Variants in MGAT4A observed in about 807,000 individuals in gnomAD.
MGAT4A encodes alpha-1,3-mannosyl-glycoprotein 4-beta-N-acetylglucosaminyltransferase A.
A neutral mutation model predicts 74.1 loss-of-function variants in MGAT4A; 33 were observed. That is an observed-to-expected ratio of 0.45 (90% CI 0.34 to 0.60). The LOEUF is 0.60. Among genes scored for constraint, MGAT4A ranks in the 20% least tolerant of loss-of-function variants. MGAT4A has a pLI of 0.02. For missense variants in MGAT4A, 479 were observed against 628.3 expected (o/e 0.76, Z 2.54); for synonymous variants, 198 against 210.4 (o/e 0.94, Z 0.51).
At chr2:98,677,360 A>G (rs1701989124) in intron 3 of MGAT4A, among the ~76,000 whole-genome samples, 1 of 152,218 alleles carries the variant, frequency 6.6e-6, no homozygotes, top group African/African-American at 2.4e-5. Context: ...TACACGAAAA[A>G]TTAAATTTTA....
Position 98,711,015 on chromosome 2 carries a change from C to T in MGAT4A, c.94+15224G>A, listed in dbSNP as rs564399533. 3.3e-5 allele frequency among the ~76,000 whole-genome samples: 5 copies of T among 151,720 alleles called. No individual in the cohort carries two copies. The East Asian group carries it at 9.7e-4, about 29-fold the overall frequency. On this transcript the variant is annotated intron_variant, in intron 2 of 15. Transcript: ENST00000393487. ...GGTTAAAAAAAAATCAGTGATCTGT[C>T]GTAAAATAACCAAGATGCTAGACTA... is the stretch of plus-strand genomic sequence containing the variant.
At chr2:98,729,834 G>T (rs757148658) in intron 1 of MGAT4A, among the ~76,000 whole-genome samples, 1 of 152,126 alleles carries the variant, frequency 6.6e-6, no homozygotes, top group Non-Finnish European at 1.5e-5. Context: ...CTGATATCTG[G>T]AATCAATAAA....
At chr2:98,710,508 G>GGA (rs1702501083) in intron 2 of MGAT4A, among the ~76,000 whole-genome samples, 1 of 152,290 alleles carries the variant, frequency 6.6e-6, no homozygotes. Flanking sequence ...CACCTAGGCT[G>GGA]GAGTGCAGTG....
chr2:98,660,677 G>GA lies in MGAT4A; in HGVS notation c.537+2368dup, dbSNP rs760768254. ...AGCAAAGGTGCCAAGAACACTCAAT[G>GA]AAAAAAGTTTCTTTAGTAAATGGTG... On this transcript the variant is annotated intron_variant, in intron 5 of 15. Coordinates refer to ENST00000393487, the MANE Select transcript of MGAT4A (RefSeq NM_012214.3). Among the ~76,000 whole-genome samples the GA allele has an allele frequency of 5.9e-5, 9 of 152,012 alleles. No homozygotes were observed. The East Asian group carries it at 1.5e-3, about 26-fold the overall frequency.
At position 98,624,497 on chromosome 2, in the gene MGAT4A, CT is replaced by C; in HGVS notation, c.*1068del. The stretch of plus-strand genomic sequence containing the variant: ...TAAAATCATTTTGGAAAATATACTA[CT>C]AATAATATATTTCACCAAAAAACAA... On this transcript the variant is annotated 3_prime_UTR_variant, in exon 16 of 16. Coordinates refer to ENST00000393487, the MANE Select transcript of MGAT4A (RefSeq NM_012214.3). The C allele has an allele frequency of 3.1e-6, 3 of 966,918 alleles. No individual in the cohort carries two copies. The African/African-American group carries it at 5.3e-5, about 17-fold the overall frequency. The allele number at this position is 966,918 out of a possible 1,614,324, so 59.9% of individuals were successfully genotyped here.
intron 5 of MGAT4A, 106 bp downstream of exon 5, chr2:98,662,940 C>T (rs1701772432): frequency 1.1e-6 from 1 of 881,150 alleles, no homozygotes; most frequent in East Asian, 2.6e-5. Flanking sequence ...CTTTACTCAT[C>T]ACATTTTTTA....
At chr2:98,627,342 A>C (rs1701160116) in intron 14 of MGAT4A, among the ~76,000 whole-genome samples, 1 of 152,182 alleles carries the variant, frequency 6.6e-6, no homozygotes. Flanking sequence ...TGAATTCATT[A>C]AGAAACAATA....
At chr2:98,667,546 T>C (rs1701852735) in intron 4 of MGAT4A, among the ~76,000 whole-genome samples, 1 of 152,232 alleles carries the variant, frequency 6.6e-6, no homozygotes. Flanking sequence ...TGTTGTGTTT[T>C]AGCAAAGAGA....
intron 2 of MGAT4A, among the ~76,000 whole-genome samples, chr2:98,696,430 A>C (rs1702276396): frequency 6.6e-6 from 1 of 152,192 alleles, no homozygotes; most frequent in Non-Finnish European, 1.5e-5. Flanking sequence ...GCTGCTGTCT[A>C]AGTTGACGTC....
Position 98,672,643 on chromosome 2 carries a change from C to CT in MGAT4A, c.403+2391_403+2392insA, listed in dbSNP as rs1701926872. On this transcript the variant is annotated intron_variant, in intron 4 of 15. Coordinates refer to ENST00000393487, the MANE Select transcript of MGAT4A (RefSeq NM_012214.3). ...TGTTCACTCCTTCTGAAATGACTACCAGATGAACATTAAAACTTTTGTCTA... is the reference window on the plus strand; with the variant it reads ...TGTTCACTCCTTCTGAAATGACTACCTAGATGAACATTAAAACTTTTGTCTA... Among the ~76,000 whole-genome samples, 9 of 152,274 alleles carry CT rather than the reference C, an allele frequency of 5.9e-5. No individual in the cohort carries two copies. The South Asian group carries it at 1.9e-3, about 32-fold the overall frequency.
At chr2:98,689,980 C>T (rs1702173267) in intron 2 of MGAT4A, among the ~76,000 whole-genome samples, 1 of 151,888 alleles carries the variant, frequency 6.6e-6, no homozygotes, top group Admixed American at 6.6e-5. Flanking sequence ...CTAGAAAAGT[C>T]GGCAACCTGA....
chr2:98,689,917 C>G (rs962371426), intron 2 of MGAT4A, among the ~76,000 whole-genome samples: 5 of 152,060 alleles, frequency 3.3e-5, no homozygotes, highest in Admixed American at 2.6e-4. Context: ...AGAAACAACA[C>G]AGTAGTGAGT....
chr2:98,664,698 T>A (rs1205606536), intron 4 of MGAT4A, among the ~76,000 whole-genome samples: 1 of 152,162 alleles, frequency 6.6e-6, no homozygotes, highest in Non-Finnish European at 1.5e-5. Context: ...AATGCCACAT[T>A]TATGTGTTTC....
intron 2 of MGAT4A, among the ~76,000 whole-genome samples, chr2:98,690,999 C>G: frequency 6.6e-6 from 1 of 152,024 alleles, no homozygotes. Flanking sequence ...GGAACTGTAA[C>G]AAAAGATCTG....
chr2:98,710,376 T>G (rs1702498736), intron 2 of MGAT4A, among the ~76,000 whole-genome samples: 4 of 152,224 alleles, frequency 2.6e-5, no homozygotes, highest in Admixed American at 2.6e-4. Flanking sequence ...GATATACATT[T>G]GAAAACAAAA....
At chr2:98,692,960 A>T (rs1377431592) in intron 2 of MGAT4A, among the ~76,000 whole-genome samples, 1 of 152,226 alleles carries the variant, frequency 6.6e-6, no homozygotes, top group Non-Finnish European at 1.5e-5. Flanking sequence ...AAGCTGAGCA[A>T]AACCCAAACA....
intron 2 of MGAT4A, among the ~76,000 whole-genome samples, chr2:98,725,248 AAAG>A (rs1361231561): frequency 6.6e-6 from 1 of 152,198 alleles, no homozygotes; most frequent in African/African-American, 2.4e-5. Context: ...AGAGAAAGAC[AAAG>A]AAGGGGAAAA....
intron 1 of MGAT4A, among the ~76,000 whole-genome samples, chr2:98,729,403 T>C (rs921952881): frequency 6.6e-6 from 1 of 152,200 alleles, no homozygotes; most frequent in Non-Finnish European, 1.5e-5. Flanking sequence ...TCTTCAATTA[T>C]GAGACATAAT....
chr2:98,660,337 A>C (rs1192699799), intron 5 of MGAT4A, among the ~76,000 whole-genome samples: 2 of 151,704 alleles, frequency 1.3e-5, no homozygotes, highest in Non-Finnish European at 2.9e-5. Context: ...CCTATCAAAA[A>C]ATTTAATGAC....
Sources: allele counts gnomAD v4.1 joint callset (sites outside exome capture counted in the v4.1 genomes callset), GRCh38; gene constraint gnomAD v4.1.1; transcripts MANE v1.5; gene names NCBI Gene and HGNC (gene_info 2026-07-23, HGNC 2026-07-21).